The following SLC35D3 variants were observed in gnomAD, a reference collection of about 807,000 sequenced individuals.
SLC35D3 encodes the protein solute carrier family 35 member D3.
SLC35D3 carries 18 observed loss-of-function variants against 20.3 expected under a neutral mutation model. The ratio of observed to expected loss-of-function variants is 0.89; its 90% CI spans 0.61 to 1.32. SLC35D3 has a LOEUF of 1.32. Among genes scored for constraint, SLC35D3 ranks in the 40% most tolerant of loss-of-function variants. SLC35D3 has a pLI of 0.00. For missense variants in SLC35D3, 556 were observed against 565.5 expected, an observed-to-expected ratio of 0.98 and a Z score of 0.17; for synonymous variants, 313 against 263.5, an observed-to-expected ratio of 1.19 and a Z score of -1.82.
chr6:136,925,294 A>C lies in SLC35D3; in HGVS notation c.*598A>C, dbSNP rs1197623818. 1 of 152,676 alleles carries C rather than the reference A, an allele frequency of 6.5e-6. No homozygotes were observed. The highest frequency in any genetic ancestry group is 1.9e-4 in the East Asian group (1 of 5,206). 9.5% of individuals were successfully genotyped at this position (152,676 alleles called of 1,614,324 possible). ...TATATTGATAGAAACTGTTAAAGCT[A>C]TTTTGAAAATATGAGTTCTTAGCTT... On this transcript the variant is annotated 3_prime_UTR_variant, in exon 2 of 2. Transcript: ENST00000331858.
In SLC35D3 at chr6:136,924,614, T is replaced by A; in HGVS notation, c.1169T>A (p.Leu390His). Reference protein sequence around the residue: ...GSRRSLKDAYLEVWRLVRGTR... With the variant: ...GSRRSLKDAYHEVWRLVRGTR... ...AGGAGGTCGTTAAAAGATGCTTACCTCGAGGTATGGAGGTTGGTTAGGGGA... is the reference window on the plus strand; with the variant it reads ...AGGAGGTCGTTAAAAGATGCTTACCACGAGGTATGGAGGTTGGTTAGGGGA... The change falls in exon 2 of 2, where the codon CTC becomes CAC. Residue 390 changes from leucine (L) to histidine (H), a missense_variant. Coordinates refer to ENST00000331858, the MANE Select transcript of SLC35D3 (RefSeq NM_001008783.3). 6.2e-7 allele frequency: 1 copy of A among 1,614,022 alleles called. No homozygotes were observed. Among genetic ancestry groups the A allele is most frequent in the Non-Finnish European group, 8.5e-7 (1 of 1,180,008 alleles).
Position 136,922,610 on chromosome 6 carries a change from G to T in SLC35D3, c.182G>T (p.Arg61Leu). ...TAALSLELLR[R>L]LGLIAVPPFG... Reference sequence around the variant, plus strand: ...GCGCTGAGCCTGGAGCTGCTGCGGCGCCTCGGGCTCATCGCCGTGCCCCCC... The same window carrying T: ...GCGCTGAGCCTGGAGCTGCTGCGGCTCCTCGGGCTCATCGCCGTGCCCCCC... The change falls in exon 1 of 2, where the codon CGC (arginine) becomes CTC (leucine). Residue 61 changes from arginine to leucine, a missense_variant. Coordinates refer to ENST00000331858, the MANE Select transcript of SLC35D3 (RefSeq NM_001008783.3). The surrounding 1 kb of genome is among the most constrained non-coding windows in gnomAD (Gnocchi z 6.8). 1.9e-6 allele frequency: 3 copies of T among 1,611,414 alleles called. No individual in the cohort carries two copies. The highest frequency in any genetic ancestry group is 3.3e-4 in the Middle Eastern group (2 of 6,052).
chr6:136,922,457 T>C lies in SLC35D3; in HGVS notation c.29T>C (p.Leu10Pro), dbSNP rs770201648. 1.9e-6 allele frequency: 3 copies of C among 1,601,228 alleles called. No homozygotes were observed. In the East Asian group the frequency reaches 6.8e-5, roughly 36 times the overall value. The change falls in exon 1 of 2, where the codon CTG (leucine) becomes CCG (proline). Residue 10 changes from leucine (L) to proline (P), a missense_variant. Physicochemically the swap from Leu to Pro is moderately conservative, Grantham distance 98. Transcript: ENST00000331858. The surrounding 1 kb of genome is among the most constrained non-coding windows in gnomAD (Gnocchi z 6.8). ...CGGCAGCTGTGCCGGGGCCGCGTGC[T>C]GGGCATCTCGGTGGCCATCGCGCAC... MRQLCRGRV[L>P]GISVAIAHGV...
Position 136,923,770 on chromosome 6 carries a change from C to T in SLC35D3, c.440-115C>T, listed in dbSNP as rs918110890. ...GGTGGGCAGAGCTGGGGCGCGAACCCAGTCTCCTTTCCTACCCGACGCGTT... is the reference window on the plus strand; with the variant it reads ...GGTGGGCAGAGCTGGGGCGCGAACCTAGTCTCCTTTCCTACCCGACGCGTT... On this transcript the variant is annotated intron_variant, in intron 1 of 1. Coordinates refer to ENST00000331858, the MANE Select transcript of SLC35D3 (RefSeq NM_001008783.3). The surrounding 1 kb of genome is among the most constrained non-coding windows in gnomAD (Gnocchi z 6.2). The T allele has an allele frequency of 8.8e-6, 9 of 1,028,434 alleles. No homozygotes were observed. In the African/African-American group the frequency reaches 9.7e-5, roughly 11 times the overall value. The allele number at this position is 1,028,434 out of a possible 1,614,324, so 63.7% of individuals were successfully genotyped here. A position where few individuals can be genotyped will look rare whatever the true frequency, so the allele number is the denominator to read the frequency against.
At position 136,923,063 on chromosome 6, in the gene SLC35D3, CA is replaced by C. The variant is rs1271847587; in HGVS notation, c.439+197del. 1.3e-5 allele frequency among the ~76,000 whole-genome samples: 2 copies of C among 152,204 alleles called. No homozygotes were observed. Among genetic ancestry groups the C allele is most frequent in the Non-Finnish European group, 2.9e-5 (2 of 68,026 alleles). ...AGACCCAGAGAGCTCCCCAGCGCCC[CA>C]CCAAGTCCCCCTGCCCCCTAATGTC... is the stretch of plus-strand genomic sequence containing the variant. On this transcript the variant is annotated intron_variant, in intron 1 of 1. Transcript: ENST00000331858. This position sits in a 1 kb window ranked among gnomAD's most constrained non-coding sequence, Gnocchi z 6.2.
In SLC35D3 at chr6:136,925,379, G is replaced by A. The variant is rs1409464085; in HGVS notation, c.*683G>A. The A allele has an allele frequency of 6.6e-6, 1 of 152,498 alleles. No homozygotes were observed. The highest frequency in any genetic ancestry group is 1.5e-5 in the Non-Finnish European group (1 of 67,994). The allele number at this position is 152,498 out of a possible 1,614,324, so 9.4% of individuals were successfully genotyped here. On this transcript the variant is annotated 3_prime_UTR_variant, in exon 2 of 2. Transcript: ENST00000331858. The stretch of plus-strand genomic sequence containing the variant: ...ATTTTAAAAGTTGTTTTGGTTCATT[G>A]CTTTATAATATTTATTATTGAATGC...
In SLC35D3 at chr6:136,924,279, G is replaced by A. The variant is rs752255661; in HGVS notation, c.834G>A (p.Glu278=). The change falls in exon 2 of 2, where the codon GAG becomes GAA. Residue 278 remains glutamate (E), a synonymous_variant. Coordinates refer to ENST00000331858, the MANE Select transcript of SLC35D3 (RefSeq NM_001008783.3). ...TVGMVAFSDV[E]PTSLFIAGVV... ...GCATGGTGGCCTTCAGCGACGTGGA[G>A]CCCACCTCTCTGTTCATTGCCGGCG... 3.1e-6 allele frequency: 5 copies of A among 1,614,106 alleles called. No homozygotes were observed. The highest frequency in any genetic ancestry group is 2.7e-5 in the African/African-American group (2 of 75,046).
chr6:136,923,844 C>G lies in SLC35D3; in HGVS notation c.440-41C>G. ...CCAACCTGCTGTCTTCTCTCTTTTT[C>G]CTTCCCGCCCGGGCTCGGCCGTCCT... On this transcript the variant is annotated intron_variant, in intron 1 of 1. Transcript: ENST00000331858. This position sits in a 1 kb window ranked among gnomAD's most constrained non-coding sequence, Gnocchi z 6.2. 6 of 1,464,662 alleles carry G rather than the reference C, an allele frequency of 4.1e-6. No homozygotes were observed. Among genetic ancestry groups the G allele is most frequent in the Non-Finnish European group, 5.4e-6 (6 of 1,108,244 alleles). 90.7% of individuals were successfully genotyped at this position (1,464,662 alleles called of 1,614,324 possible).
At position 136,923,347 on chromosome 6, in the gene SLC35D3, G is replaced by T. The variant is rs2115308163; in HGVS notation, c.439+480G>T. On this transcript the variant is annotated intron_variant, in intron 1 of 1. Transcript: ENST00000331858. The surrounding 1 kb of genome is among the most constrained non-coding windows in gnomAD (Gnocchi z 6.2). Reference sequence around the variant, plus strand: ...GCTACTGCGGGGTGTCTCGTGCTGCGCAGGGGGCTGCGGCCCTGGGGCAGA... The same window carrying T: ...GCTACTGCGGGGTGTCTCGTGCTGCTCAGGGGGCTGCGGCCCTGGGGCAGA... Among the ~76,000 whole-genome samples the T allele has an allele frequency of 1.3e-5, 2 of 152,300 alleles. No homozygotes were observed. Among genetic ancestry groups the T allele is most frequent in the South Asian group, 4.1e-4 (2 of 4,828 alleles).
rs779440371 is a variant in SLC35D3, at chr6:136,924,282, C to T, written c.837C>T (p.Pro279=). 5 of 1,614,138 alleles carry T rather than the reference C, an allele frequency of 3.1e-6. No individual in the cohort carries two copies. In the South Asian group the frequency reaches 5.5e-5, roughly 18 times the overall value. ...VGMVAFSDVE[P]TSLFIAGVVV... ...TGGTGGCCTTCAGCGACGTGGAGCC[C>T]ACCTCTCTGTTCATTGCCGGCGTGG... The change falls in exon 2 of 2, where the codon CCC becomes CCT. Residue 279 remains proline, a synonymous_variant. Transcript: ENST00000331858.
Position 136,923,861 on chromosome 6 carries a change from G to C in SLC35D3, c.440-24G>C, listed in dbSNP as rs980224482. The stretch of plus-strand genomic sequence containing the variant: ...CTCTTTTTCCTTCCCGCCCGGGCTC[G>C]GCCGTCCTCCTCGTGCGCCGCAGGA... On this transcript the variant is annotated intron_variant, in intron 1 of 1. Transcript: ENST00000331858. This position sits in a 1 kb window ranked among gnomAD's most constrained non-coding sequence, Gnocchi z 6.2. The C allele has an allele frequency of 6.4e-5, 95 of 1,487,536 alleles. No homozygotes were observed. Among genetic ancestry groups the C allele is most frequent in the Non-Finnish European group, 7.9e-5 (88 of 1,118,432 alleles). The allele number at this position is 1,487,536 out of a possible 1,614,324, so 92.1% of individuals were successfully genotyped here. A position where few individuals can be genotyped will look rare whatever the true frequency, so the allele number is the denominator to read the frequency against.
chr6:136,924,655 A>G lies in SLC35D3; in HGVS notation c.1210A>G (p.Lys404Glu), dbSNP rs550790929. 4 of 1,613,784 alleles carry G rather than the reference A, an allele frequency of 2.5e-6. No homozygotes were observed. The East Asian group carries it at 6.7e-5, about 27-fold the overall frequency. ...RLVRGTRYMK[K>E]DYLIENEELP... is the part of the protein sequence containing the mutation. ...GGTTAGGGGAACCAGGTATATGAAG[A>G]AGGATTATTTGATAGAAAACGAGGA... is the stretch of plus-strand genomic sequence containing the variant. Residue 404 changes from lysine (K) to glutamate (E), a missense_variant, in exon 2 of 2, where the codon AAG (lysine) becomes GAG (glutamate). Coordinates refer to ENST00000331858, the MANE Select transcript of SLC35D3 (RefSeq NM_001008783.3).
In SLC35D3 at chr6:136,924,414, G is replaced by T. The variant is rs376903042; in HGVS notation, c.969G>T (p.Ala323=). The T allele has an allele frequency of 3.3e-5, 54 of 1,613,820 alleles. No homozygotes were observed. The highest frequency in any genetic ancestry group is 4.4e-5 in the Non-Finnish European group (52 of 1,179,936). Residue 323 remains alanine, a synonymous_variant, in exon 2 of 2, where the codon GCG becomes GCT. Coordinates refer to ENST00000331858, the MANE Select transcript of SLC35D3 (RefSeq NM_001008783.3). ...AGGCCCAGCCTCGGGGAGAGGAGGC[G>T]CAGCTAAGTGGAGACCAGCTGCCGT... ...DLEAQPRGEE[A]QLSGDQLPFV... is the part of the protein sequence containing the mutation.
chr6:136,922,921 G>T lies in SLC35D3; in HGVS notation c.439+54G>T, dbSNP rs868190988. 1.4e-6 allele frequency: 2 copies of T among 1,458,670 alleles called. No individual in the cohort carries two copies. The highest frequency in any genetic ancestry group is 1.4e-5 in the South Asian group (1 of 70,978). 90.4% of individuals were successfully genotyped at this position (1,458,670 alleles called of 1,614,324 possible). Reference sequence around the variant, plus strand: ...CCGACCCCACCCACCCCGCTCCGTCGGGCAGAGACCGCGGGGATCACTGAG... The same window carrying T: ...CCGACCCCACCCACCCCGCTCCGTCTGGCAGAGACCGCGGGGATCACTGAG... On this transcript the variant is annotated intron_variant, in intron 1 of 1. Coordinates refer to ENST00000331858, the MANE Select transcript of SLC35D3 (RefSeq NM_001008783.3). This position sits in a 1 kb window ranked among gnomAD's most constrained non-coding sequence, Gnocchi z 6.8.
chr6:136,923,003 G>A lies in SLC35D3; in HGVS notation c.439+136G>A. On this transcript the variant is annotated intron_variant, in intron 1 of 1. Coordinates refer to ENST00000331858, the MANE Select transcript of SLC35D3 (RefSeq NM_001008783.3). This position sits in a 1 kb window ranked among gnomAD's most constrained non-coding sequence, Gnocchi z 6.2. ...GAGGCAGAGAGAGCCGGAGAGCTTT[G>A]AGAGTGGTCGCTCAGCTCGCAAAAG... The A allele has an allele frequency of 9.7e-7, 1 of 1,030,072 alleles. No individual in the cohort carries two copies. Among genetic ancestry groups the A allele is most frequent in the Non-Finnish European group, 1.4e-6 (1 of 735,390 alleles). 63.8% of individuals were successfully genotyped at this position (1,030,072 alleles called of 1,614,324 possible).
In SLC35D3 at chr6:136,923,130, C is replaced by T. The variant is rs539508133; in HGVS notation, c.439+263C>T. Reference sequence around the variant, plus strand: ...CGCCCATGCTTCACCCGGCATCGCCCTTCCTGTCGCCCCCTCTCCTGGTCT... The same window carrying T: ...CGCCCATGCTTCACCCGGCATCGCCTTTCCTGTCGCCCCCTCTCCTGGTCT... On this transcript the variant is annotated intron_variant, in intron 1 of 1. Transcript: ENST00000331858. The surrounding 1 kb of genome is among the most constrained non-coding windows in gnomAD (Gnocchi z 6.2). Among the ~76,000 whole-genome samples, 3 of 152,294 alleles carry T rather than the reference C, an allele frequency of 2.0e-5. No individual in the cohort carries two copies. In the South Asian group the frequency reaches 6.2e-4, roughly 32 times the overall value.
At position 136,924,026 on chromosome 6, in the gene SLC35D3, C is replaced by T. The variant is rs557678187; in HGVS notation, c.581C>T (p.Ala194Val). Reference sequence around the variant, plus strand: ...CCGCTCACCGCGCAGTACGTCATCGCCGTCTCTGCCACCCCGCTGCTGGTC... The same window carrying T: ...CCGCTCACCGCGCAGTACGTCATCGTCGTCTCTGCCACCCCGCTGCTGGTC... ...HGPLTAQYVI[A>V]VSATPLLVIC... Residue 194 changes from alanine (A) to valine (V), a missense_variant, in exon 2 of 2, where the codon GCC (alanine) becomes GTC (valine). Transcript: ENST00000331858. 8 of 1,604,078 alleles carry T rather than the reference C, an allele frequency of 5.0e-6. No individual in the cohort carries two copies. In the South Asian group the frequency reaches 8.9e-5, roughly 18 times the overall value.
chr6:136,924,704 G>A lies in SLC35D3; in HGVS notation c.*8G>A, dbSNP rs747743269. 8.7e-6 allele frequency: 14 copies of A among 1,601,516 alleles called. No homozygotes were observed. The highest frequency in any genetic ancestry group is 3.4e-4 in the Middle Eastern group (2 of 5,944). On this transcript the variant is annotated 3_prime_UTR_variant, in exon 2 of 2. Coordinates refer to ENST00000331858, the MANE Select transcript of SLC35D3 (RefSeq NM_001008783.3). ...GAGTTACCCAGTCCTTGAGAAGGAG[G>A]TGCATGTACGTACCTATGTGCATAC... is the stretch of plus-strand genomic sequence containing the variant.
Position 136,923,646 on chromosome 6 carries a change from C to G in SLC35D3, c.440-239C>G, listed in dbSNP as rs1776091466. Among the ~76,000 whole-genome samples the G allele has an allele frequency of 6.6e-6, 1 of 152,164 alleles. No individual in the cohort carries two copies. Among genetic ancestry groups the G allele is most frequent in the South Asian group, 2.1e-4 (1 of 4,830 alleles). On this transcript the variant is annotated intron_variant, in intron 1 of 1. Transcript: ENST00000331858. This position sits in a 1 kb window ranked among gnomAD's most constrained non-coding sequence, Gnocchi z 6.2. ...TCTTGGACAGAGGAAGATGGAGTGACCCGGGGATATGGCGGGAAGGCGCTC... is the reference window on the plus strand; with the variant it reads ...TCTTGGACAGAGGAAGATGGAGTGAGCCGGGGATATGGCGGGAAGGCGCTC...
Sources: allele counts gnomAD v4.1 joint callset (sites outside exome capture counted in the v4.1 genomes callset), GRCh38; gene constraint gnomAD v4.1.1; non-coding constraint Gnocchi (gnomAD v3.1); transcripts MANE v1.5; gene names NCBI Gene and HGNC (gene_info 2026-07-23, HGNC 2026-07-21).